Variants in RDX observed in about 807,000 individuals in gnomAD.
The protein encoded by RDX is radixin.
RDX carries 32 observed loss-of-function variants against 83.7 expected under a neutral mutation model. That is an observed-to-expected ratio of 0.38 (90% confidence interval 0.29 to 0.51). The LOEUF (loss-of-function observed/expected upper bound fraction) is 0.51, where lower values mean the gene tolerates loss of function less well. Ranked by LOEUF, RDX falls within the 20% of genes least tolerant of loss-of-function variation. The pLI, the probability that RDX is intolerant of heterozygous loss-of-function variation, is 0.87. For synonymous variants in RDX, 229 were observed against 222.7 expected (o/e 1.03, Z -0.25); for missense variants, 600 against 689.9 (o/e 0.87, Z 1.46).
chr11:110,236,480 C>A, intron 11 of RDX: 2 of 325,714 alleles, frequency 6.1e-6, no homozygotes, highest in Non-Finnish European at 1.1e-5. Flanking sequence ...TAAAAAATTT[C>A]CATCAATAAA....
intron 10 of RDX, among the ~76,000 whole-genome samples, chr11:110,245,465 T>C (rs1281965215): frequency 6.6e-6 from 1 of 152,186 alleles, no homozygotes; most frequent in East Asian, 1.9e-4. Context: ...ATTTTCTTTT[T>C]AATCTCAGAA....
chr11:110,221,575 G>A (rs1864247957), intron 14 of RDX, among the ~76,000 whole-genome samples: 1 of 148,790 alleles, frequency 6.7e-6, no homozygotes, highest in Non-Finnish European at 1.5e-5. Context: ...TCCAGCCTGG[G>A]CAACAGAGCA....
intron 9 of RDX, among the ~76,000 whole-genome samples, chr11:110,250,694 G>A (rs1426192853): frequency 6.6e-6 from 1 of 152,132 alleles, no homozygotes. Context: ...AAGTTGGGAG[G>A]GGGTGGGGAA....
intron 5 of RDX, among the ~76,000 whole-genome samples, chr11:110,258,767 A>G (rs1294904366): frequency 6.6e-6 from 1 of 152,154 alleles, no homozygotes; most frequent in African/African-American, 2.4e-5. Context: ...ACTTTCAATT[A>G]AAAAGTAGAG....
rs201687865 is a variant in RDX at position 110,257,751 on chromosome 11, C to A, written c.698+16G>T. The A allele has an allele frequency of 1.5e-4, 245 of 1,610,936 alleles. No homozygotes were observed. The African/African-American group carries it at 3.1e-3, about 20-fold the overall frequency. On this transcript the variant is annotated intron_variant, in intron 7 of 13. Transcript: ENST00000645495. ...ACTGAACAATGACTAGTTCACTATG[C>A]AACTAATTTACTTACTTGTCGTCAT...
chr11:110,209,742 C>G (rs6589120), intron 14 of RDX, among the ~76,000 whole-genome samples: 1 of 138,070 alleles, frequency 7.2e-6, no homozygotes, highest in Admixed American at 7.1e-5. Flanking sequence ...ACACCTCACA[C>G]AGCAGGGTAC....
chr11:110,251,788 A>G (rs1859351106), intron 9 of RDX, among the ~76,000 whole-genome samples: 1 of 152,224 alleles, frequency 6.6e-6, no homozygotes, highest in South Asian at 2.1e-4. Flanking sequence ...AACCACTCAT[A>G]GTGTATAAGG....
intron 14 of RDX, among the ~76,000 whole-genome samples, chr11:110,211,327 C>T (rs1262893323): frequency 6.6e-6 from 1 of 152,072 alleles, no homozygotes; most frequent in Non-Finnish European, 1.5e-5. Context: ...CACCAAGATT[C>T]ATAAAGCAAG....
Position 110,257,905 on chromosome 11 carries a change from G to A in RDX, c.560C>T (p.Ser187Phe). ...TGCAATCTTCAGGTATTCCATCATAGAATCCTCCCTGTTGAAATAAAACTA... is the reference window on the plus strand; with the variant it reads ...TGCAATCTTCAGGTATTCCATCATAAAATCCTCCCTGTTGAAATAAAACTA... Reference protein sequence around the residue: ...EEHRGMLREDSMMEYLKIAQD... With the variant: ...EEHRGMLREDFMMEYLKIAQD... The change falls in exon 7 of 14, where the codon TCT (serine) becomes TTT (phenylalanine). Residue 187 changes from serine to phenylalanine, a missense_variant. Coordinates refer to ENST00000645495, the MANE Select transcript of RDX (RefSeq NM_002906.4). 1 of 1,611,500 alleles carries A rather than the reference G, an allele frequency of 6.2e-7. No homozygotes were observed. The highest frequency in any genetic ancestry group is 8.5e-7 in the Non-Finnish European group (1 of 1,178,096).
chr11:110,289,456 A>G (rs1861124067), intron 1 of RDX, among the ~76,000 whole-genome samples: 1 of 152,152 alleles, frequency 6.6e-6, no homozygotes, highest in African/African-American at 2.4e-5. Context: ...AACTTTGCTG[A>G]ATAGCCAAAC....
intron 14 of RDX, among the ~76,000 whole-genome samples, chr11:110,212,786 C>T (rs200653899): frequency 0.014 from 1,644 of 114,300 alleles, no homozygotes; most frequent in East Asian, 0.039. Context: ...AATTCAACAA[C>T]GCTTCATGCT....
intron 1 of RDX, among the ~76,000 whole-genome samples, chr11:110,287,794 T>G (rs1323812543): frequency 6.6e-6 from 1 of 152,204 alleles, no homozygotes; most frequent in Admixed American, 6.5e-5. Context: ...CAATCTCTCA[T>G]TCTTCTAAAA....
chr11:110,211,702 A>G (rs1220577198), intron 14 of RDX, among the ~76,000 whole-genome samples: 10 of 145,240 alleles, frequency 6.9e-5, no homozygotes, highest in African/African-American at 2.3e-4. Context: ...ACTCAACTAC[A>G]TGGAAACTGA....
chr11:110,285,213 C>A (rs959828714), intron 1 of RDX, among the ~76,000 whole-genome samples: 3 of 150,686 alleles, frequency 2.0e-5, no homozygotes, highest in African/African-American at 7.3e-5. Context: ...ATAGTGAAAC[C>A]CGGTCTCTAC....
In RDX at chr11:110,189,001, C is replaced by T. The variant is rs561671662; in HGVS notation, c.*31+10580G>A. Among the ~76,000 whole-genome samples the T allele has an allele frequency of 9.7e-4, 147 of 151,912 alleles. 1 individual carries two copies. The South Asian group carries it at 0.029, about 30-fold the overall frequency. The stretch of plus-strand genomic sequence containing the variant: ...ATAGGATCCAAACCTCACATATCAA[C>T]GTTAACATTGAATGTCAATGTTCTG... On this transcript the variant is annotated intron_variant, in intron 15 of 15. Coordinates refer to the RDX transcript ENST00000528498.
chr11:110,214,747 A>C (rs1395251492), intron 14 of RDX, among the ~76,000 whole-genome samples: 3 of 89,676 alleles, frequency 3.3e-5, no homozygotes, highest in Non-Finnish European at 4.7e-5. Context: ...AAGAACAAAA[A>C]ACCAAACACC....
At chr11:110,242,452 A>T (rs1359405450) in intron 10 of RDX, among the ~76,000 whole-genome samples, 1 of 151,738 alleles carries the variant, frequency 6.6e-6, no homozygotes, top group African/African-American at 2.4e-5. Flanking sequence ...TTAAAAAAAA[A>T]AAAATTAAAA....
chr11:110,278,684 G>T (rs1374384287), intron 2 of RDX, among the ~76,000 whole-genome samples: 1 of 151,862 alleles, frequency 6.6e-6, no homozygotes, highest in African/African-American at 2.4e-5. Flanking sequence ...CTGCAAATAG[G>T]AAATTTTCTT....
In RDX at chr11:110,242,148, A is replaced by T. The variant is rs546459872; in HGVS notation, c.1091-4496T>A. Among the ~76,000 whole-genome samples the T allele has an allele frequency of 1.4e-4, 22 of 152,300 alleles. No homozygotes were observed. The South Asian group carries it at 4.3e-3, about 30-fold the overall frequency. ...AATATATTTTGCATCAGTGAACTAC[A>T]TTACTTAAAACGGCAAAAAACTGGC... On this transcript the variant is annotated intron_variant, in intron 10 of 13. Coordinates refer to ENST00000645495, the MANE Select transcript of RDX (RefSeq NM_002906.4).
Sources: gnomAD v4.1 joint callset for allele counts (sites outside exome capture counted in the v4.1 genomes callset) on GRCh38, gnomAD v4.1.1 for gene constraint, MANE v1.5 for transcripts, NCBI Gene and HGNC (gene_info 2026-07-23, HGNC 2026-07-21) for gene names.